Variants in TTC12 observed in about 807,000 individuals in gnomAD.
TTC12 encodes tetratricopeptide repeat domain 12, also known as tetratricopeptide repeat protein 12.
Under a neutral mutation model 90.1 loss-of-function variants are expected in TTC12, and 70 were observed. The ratio of observed to expected loss-of-function variants is 0.78; its 90% CI spans 0.64 to 0.95. The LOEUF is 0.95. TTC12 is among the 40% of genes least tolerant of loss of function. The pLI is 0.00. For missense variants in TTC12, 819 were observed against 846.1 expected (o/e 0.97, Z 0.40); for synonymous variants, 296 against 311.5 (o/e 0.95, Z 0.53).
intron 7 of TTC12, 54 bp downstream of exon 7, chr11:113,330,033 G>T: frequency 2.1e-6 from 3 of 1,403,190 alleles, no homozygotes; most frequent in East Asian, 4.6e-5. Context: ...GTAGATAGAA[G>T]GCAGCTGCCA....
chr11:113,369,340 C>T (rs144978729), downstream of TTC12, among the ~76,000 whole-genome samples: 48 of 152,154 alleles, frequency 3.2e-4, no homozygotes, highest in African/African-American at 1.1e-3. Flanking sequence ...AGGCTGGTCT[C>T]GAACTCCTGA....
chr11:113,343,812 G>A (rs1948804317), intron 12 of TTC12, among the ~76,000 whole-genome samples: 1 of 152,174 alleles, frequency 6.6e-6, no homozygotes, highest in African/African-American at 2.4e-5. Flanking sequence ...CTAGTTTTCT[G>A]GATAACATTT....
downstream of TTC12, chr11:113,368,150 G>T (rs1950273622): frequency 1.5e-6 from 2 of 1,353,534 alleles, no homozygotes; most frequent in Non-Finnish European, 1.9e-6. Context: ...CAAAGAGTGG[G>T]GAATGTCAAA....
At chr11:113,329,163 G>A (rs959510865) in intron 6 of TTC12, among the ~76,000 whole-genome samples, 2 of 152,134 alleles carry the variant, frequency 1.3e-5, no homozygotes, top group African/African-American at 4.8e-5. Flanking sequence ...AAAATTACTG[G>A]GTCATATGGT....
At chr11:113,342,054 T>A in intron 12 of TTC12, 129 bp downstream of exon 12, 1 of 759,538 alleles carries the variant, frequency 1.3e-6, no homozygotes, top group East Asian at 2.6e-5. Context: ...ACACACCCAC[T>A]CCCTCCAGGA....
chr11:113,344,968 T>C (rs1297074796), intron 13 of TTC12, among the ~76,000 whole-genome samples: 1 of 152,250 alleles, frequency 6.6e-6, no homozygotes, highest in Non-Finnish European at 1.5e-5. Context: ...TCTAGAAAGA[T>C]TACTGAACCA....
chr11:113,346,584 C>T (rs546263547), intron 13 of TTC12, among the ~76,000 whole-genome samples: 53 of 151,898 alleles, frequency 3.5e-4, no homozygotes, highest in Non-Finnish European at 6.9e-4. Flanking sequence ...TGGATCGGTC[C>T]CTTTTATCAA....
intron 2 of TTC12, among the ~76,000 whole-genome samples, chr11:113,320,789 C>G (rs542135249): frequency 1.3e-5 from 2 of 152,222 alleles, no homozygotes; most frequent in African/African-American, 4.8e-5. Context: ...CGTTCTCCCC[C>G]TCCCCTCAGG....
chr11:113,329,686 G>T (rs557585662), intron 6 of TTC12: 1 of 599,380 alleles, frequency 1.7e-6, no homozygotes, highest in African/African-American at 1.8e-5. Flanking sequence ...CGATTCTGTA[G>T]CATCCCTTGT....
rs782631852 is a variant in TTC12, at chr11:113,338,811, C to T, written c.614C>T (p.Pro205Leu). Residue 205 changes from proline to leucine, a missense_variant, in exon 9 of 22, where the codon CCC becomes CTC. Physicochemically the swap from Pro to Leu is moderately conservative, Grantham distance 98. Coordinates refer to ENST00000529221, the MANE Select transcript of TTC12 (RefSeq NM_017868.4). The stretch of plus-strand genomic sequence containing the variant: ...TATAAGAAGATCTTAGAAATAAACC[C>T]CAAGCTGCAAACCCAGGTGAAAGGT... ...ECYKKILEIN[P>L]KLQTQVKGYL... 7 of 1,614,046 alleles carry T rather than the reference C, an allele frequency of 4.3e-6. No individual in the cohort carries two copies. In the Admixed American group the frequency reaches 6.7e-5, roughly 15 times the overall value.
chr11:113,337,958 G>T (rs1250337997), intron 8 of TTC12, among the ~76,000 whole-genome samples: 1 of 152,158 alleles, frequency 6.6e-6, no homozygotes, highest in African/African-American at 2.4e-5. Flanking sequence ...ATAGACTTCT[G>T]TTCCTGCGAC....
chr11:113,368,162 T>TA (rs772534380), downstream of TTC12: 9 of 1,383,500 alleles, frequency 6.5e-6, no homozygotes, highest in South Asian at 8.6e-5. Flanking sequence ...AATGTCAAAT[T>TA]ACGTTATTAT....
chr11:113,372,921 G>T (rs1416063468), intron 21 of TTC12, among the ~76,000 whole-genome samples: 1 of 152,010 alleles, frequency 6.6e-6, no homozygotes, highest in African/African-American at 2.4e-5. Context: ...TCTCCTCTTA[G>T]GCCAGCTTCC....
At chr11:113,352,537 TAC>T (rs1165388469) in intron 16 of TTC12, among the ~76,000 whole-genome samples, 1 of 152,128 alleles carries the variant, frequency 6.6e-6, no homozygotes, top group African/African-American at 2.4e-5. Context: ...GGGTTTGTTG[TAC>T]AGATTATTTC....
chr11:113,320,958 G>A (rs1009438303), intron 2 of TTC12, among the ~76,000 whole-genome samples: 4 of 152,084 alleles, frequency 2.6e-5, no homozygotes, highest in African/African-American at 4.8e-5. Context: ...CAGGAGGATC[G>A]CTTGAGCCCA....
intron 8 of TTC12, among the ~76,000 whole-genome samples, chr11:113,337,726 G>A (rs782692585): frequency 5.9e-5 from 9 of 152,172 alleles, no homozygotes; most frequent in African/African-American, 9.7e-5. Context: ...CTGCCATGCC[G>A]AGCATGTGTT....
Position 113,324,677 on chromosome 11 carries a change from C to A in TTC12, c.317C>A (p.Ala106Glu), listed in dbSNP as rs145843861. The part of the protein sequence containing the change: ...AKRRRENKVL[A>E]DALKEKGNEA... ...AGAAGAAGGGAAAACAAAGTCTTGG[C>A]GGATGGTAATTGTCAGTCCTTACTT... is the stretch of plus-strand genomic sequence containing the variant. Residue 106 changes from alanine (A) to glutamate (E), a missense_variant, in exon 5 of 22, where the codon GCG becomes GAG. Ala to Glu is a moderately radical substitution (Grantham distance 107). Coordinates refer to ENST00000529221, the MANE Select transcript of TTC12 (RefSeq NM_017868.4). 3.7e-6 allele frequency: 6 copies of A among 1,613,396 alleles called. No homozygotes were observed. The highest frequency in any genetic ancestry group is 5.1e-6 in the Non-Finnish European group (6 of 1,179,666).
At chr11:113,363,700 G>A (rs1051238171) in intron 19 of TTC12, 128 bp from the exon 20 acceptor site, 11 of 648,622 alleles carry the variant, frequency 1.7e-5, no homozygotes, top group South Asian at 7.7e-5. Context: ...AGCACATGCC[G>A]TTCTCAGTAG....
At chr11:113,343,212 T>C (rs1225480524) in intron 12 of TTC12, among the ~76,000 whole-genome samples, 1 of 152,138 alleles carries the variant, frequency 6.6e-6, no homozygotes, top group Non-Finnish European at 1.5e-5. Context: ...TTACACATTA[T>C]TTATATGAGG....
Sources: gnomAD v4.1 joint callset for allele counts (sites outside exome capture counted in the v4.1 genomes callset) on GRCh38, gnomAD v4.1.1 for gene constraint, MANE v1.5 for transcripts, NCBI Gene and HGNC (gene_info 2026-07-23, HGNC 2026-07-21) for gene names.